Variants in GALNT13 observed in about 807,000 individuals in gnomAD.
GALNT13 encodes the protein polypeptide N-acetylgalactosaminyltransferase 13, also known as UDP-GalNAc:polypeptide N-acetylgalactosaminyltransferase 13.
A neutral mutation model predicts 64.2 loss-of-function variants in GALNT13; 28 were observed. The ratio of observed to expected loss-of-function variants is 0.44; its 90% CI spans 0.32 to 0.60. GALNT13 has a LOEUF of 0.60. Ranked by LOEUF, GALNT13 falls within the 20% of genes least tolerant of loss-of-function variation. GALNT13 has a pLI of 0.05. For missense variants in GALNT13, 577 were observed against 669.8 expected, an observed-to-expected ratio of 0.86 and a Z score of 1.53; for synonymous variants, 214 against 224.6, an observed-to-expected ratio of 0.95 and a Z score of 0.42.
At chr2:153,930,925 T>G (rs1690469325) in intron 2 of GALNT13, among the ~76,000 whole-genome samples, 1 of 152,126 alleles carries the variant, frequency 6.6e-6, no homozygotes, top group East Asian at 1.9e-4. Flanking sequence ...GTATAGCCAT[T>G]TTATCAGTAT....
intron 3 of GALNT13, among the ~76,000 whole-genome samples, chr2:154,099,517 C>T (rs1037506332): frequency 6.6e-6 from 1 of 152,050 alleles, no homozygotes; most frequent in Non-Finnish European, 1.5e-5. Flanking sequence ...AAGAGTTTTT[C>T]CTAGGCTTTC....
intron 4 of GALNT13, among the ~76,000 whole-genome samples, chr2:154,200,692 GCCTTAATC>G (rs1234120759): frequency 1.3e-5 from 2 of 152,078 alleles, no homozygotes; most frequent in Non-Finnish European, 2.9e-5. Flanking sequence ...TTTTATCAGA[GCCTTAATC>G]CCATTCACAA....
the GALNT13 span, among the ~76,000 whole-genome samples, chr2:153,501,918 C>A: frequency 6.6e-6 from 1 of 152,102 alleles, no homozygotes; most frequent in Non-Finnish European, 1.5e-5. Context: ...TTAGCCACGC[C>A]AAATGGCCAA....
chr2:153,172,776 T>C, the GALNT13 span, among the ~76,000 whole-genome samples: 2 of 152,166 alleles, frequency 1.3e-5, no homozygotes. Context: ...ATTCAGATAA[T>C]ACCTTGGTAA....
intron 3 of GALNT13, among the ~76,000 whole-genome samples, chr2:154,097,681 C>A (rs1015114500): frequency 1.5e-4 from 17 of 116,162 alleles, no homozygotes; most frequent in African/African-American, 6.1e-4. Flanking sequence ...TGAAACTAGA[C>A]CTTGGCTCAG....
chr2:154,105,735 C>T (rs756705593), intron 3 of GALNT13, among the ~76,000 whole-genome samples: 2 of 152,106 alleles, frequency 1.3e-5, no homozygotes, highest in Non-Finnish European at 2.9e-5. Flanking sequence ...GAATATTTTG[C>T]GTTGATAGAA....
chr2:153,251,604 A>G, the GALNT13 span, among the ~76,000 whole-genome samples: 2 of 144,756 alleles, frequency 1.4e-5, no homozygotes, highest in Non-Finnish European at 3.0e-5. Flanking sequence ...ATATCTCCCA[A>G]TGCCATCCCT....
chr2:153,826,094 AT>A, the GALNT13 span, among the ~76,000 whole-genome samples: 2 of 152,026 alleles, frequency 1.3e-5, no homozygotes, highest in African/African-American at 4.8e-5. Flanking sequence ...AATACATAAA[AT>A]TTATTTTTTA....
the GALNT13 span, among the ~76,000 whole-genome samples, chr2:153,249,984 T>A: frequency 2.7e-5 from 4 of 150,136 alleles, no homozygotes; most frequent in Non-Finnish European, 6.0e-5. Context: ...AGTCATAAGA[T>A]TTCATGAATA....
At chr2:153,653,656 C>T in the GALNT13 span, among the ~76,000 whole-genome samples, 3 of 152,220 alleles carry the variant, frequency 2.0e-5, no homozygotes, top group African/African-American at 7.2e-5. Flanking sequence ...GGTATCAAAA[C>T]ACCTAAAGTC....
rs148869889 is a variant in GALNT13, at chr2:154,342,236, T to G, written c.1156+40647T>G. 7.6e-3 allele frequency among the ~76,000 whole-genome samples: 1,159 copies of G among 152,000 alleles called. 17 individuals carry two copies. The highest frequency in any genetic ancestry group is 0.026 in the African/African-American group (1,088 of 41,504). On this transcript the variant is annotated intron_variant, in intron 9 of 12. Coordinates refer to ENST00000392825, the MANE Select transcript of GALNT13 (RefSeq NM_052917.4). ...ACACTGGATGAGCTCACCAAGAGAA[T>G]GGAGGTAGGAAAAAATGATCTAATA...
chr2:154,291,822 G>A (rs941442130), intron 8 of GALNT13, among the ~76,000 whole-genome samples: 16 of 152,386 alleles, frequency 1.0e-4, no homozygotes, highest in African/African-American at 3.1e-4. Flanking sequence ...AGGAGGTGCC[G>A]AGAGCAAGCG....
At chr2:153,667,526 A>C in the GALNT13 span, among the ~76,000 whole-genome samples, 4 of 152,216 alleles carry the variant, frequency 2.6e-5, no homozygotes, top group Admixed American at 6.5e-5. Flanking sequence ...TAGCCAAACT[A>C]AGCTTCATAA....
chr2:153,278,680 C>G, the GALNT13 span, among the ~76,000 whole-genome samples: 1 of 152,040 alleles, frequency 6.6e-6, no homozygotes, highest in South Asian at 2.1e-4. Flanking sequence ...AGCTATATTT[C>G]TGGGGTTTCT....
intron 3 of GALNT13, among the ~76,000 whole-genome samples, chr2:154,105,502 C>A (rs563859091): frequency 1.3e-5 from 2 of 152,116 alleles, no homozygotes; most frequent in South Asian, 2.1e-4. Context: ...AGTCTAGTTG[C>A]GACAGGTTAT....
intron 7 of GALNT13, among the ~76,000 whole-genome samples, chr2:154,258,542 A>G (rs1441810069): frequency 6.6e-6 from 1 of 152,046 alleles, no homozygotes; most frequent in African/African-American, 2.4e-5. Flanking sequence ...TTCTATAAAC[A>G]TTTTATAGAA....
the GALNT13 span, among the ~76,000 whole-genome samples, chr2:153,149,080 G>A: frequency 6.6e-6 from 1 of 151,750 alleles, no homozygotes; most frequent in African/African-American, 2.4e-5. Context: ...ATTAGTCTTA[G>A]GACCAGTTAA....
chr2:153,738,829 AAAC>A, the GALNT13 span, among the ~76,000 whole-genome samples: 1 of 151,888 alleles, frequency 6.6e-6, no homozygotes, highest in African/African-American at 2.4e-5. Context: ...ACTACCCTCA[AAAC>A]ATTATAGAAA....
intron 9 of GALNT13, among the ~76,000 whole-genome samples, chr2:154,356,884 A>T (rs1411092083): frequency 6.6e-6 from 1 of 152,014 alleles, no homozygotes; most frequent in Non-Finnish European, 1.5e-5. Context: ...TATAGTTATT[A>T]TGTCTTCCAC....
Sources: gnomAD v4.1 joint callset for allele counts (sites outside exome capture counted in the v4.1 genomes callset) on GRCh38, gnomAD v4.1.1 for gene constraint, MANE v1.5 for transcripts, NCBI Gene and HGNC (gene_info 2026-07-23, HGNC 2026-07-21) for gene names.